The following RGS7 variants were observed in gnomAD, a reference collection of about 807,000 sequenced individuals.
The protein encoded by RGS7 is regulator of G protein signaling 7, also known as regulator of G-protein signaling 7.
RGS7 carries 27 observed loss-of-function variants against 81.1 expected under a neutral mutation model. The ratio of observed to expected loss-of-function variants is 0.33; its 90% confidence interval spans 0.25 to 0.46. The LOEUF (loss-of-function observed/expected upper bound fraction) is 0.46. Ranked by LOEUF, RGS7 falls within the 20% of genes least tolerant of loss-of-function variation. The pLI is 1.00. For synonymous variants in RGS7, 208 were observed against 207.7 expected (o/e 1.00, Z -0.01); for missense variants, 396 against 607.4 (o/e 0.65, Z 3.66).
chr1:240,998,651 T>C (rs986947139), intron 3 of RGS7: 4 of 1,119,828 alleles, frequency 3.6e-6, no homozygotes, highest in Non-Finnish European at 5.4e-6. Flanking sequence ...GCCAGGCCTT[T>C]GCAAACAAGC....
At chr1:241,110,438 A>G (rs1408171055) in intron 2 of RGS7, among the ~76,000 whole-genome samples, 1 of 152,182 alleles carries the variant, frequency 6.6e-6, no homozygotes, top group Non-Finnish European at 1.5e-5. Flanking sequence ...AAATGGACGA[A>G]TCATTCCTCT....
At chr1:240,917,298 TAC>T (rs1163481550) in intron 6 of RGS7, among the ~76,000 whole-genome samples, 2 of 152,172 alleles carry the variant, frequency 1.3e-5, no homozygotes, top group Admixed American at 6.6e-5. Context: ...AGGTTGAAAC[TAC>T]ATAAAGAAAG....
chr1:241,099,747 A>C (rs2064577585), intron 2 of RGS7, among the ~76,000 whole-genome samples: 1 of 152,210 alleles, frequency 6.6e-6, no homozygotes. Context: ...CTCATTCCAC[A>C]ACCACTTATC....
intron 2 of RGS7, among the ~76,000 whole-genome samples, chr1:241,257,199 G>T (rs1035175028): frequency 6.6e-6 from 1 of 152,064 alleles, no homozygotes; most frequent in Non-Finnish European, 1.5e-5. Context: ...CGAGATCAAG[G>T]TGCCAGCAGA....
intron 2 of RGS7, among the ~76,000 whole-genome samples, chr1:241,262,622 T>A (rs1424631982): frequency 2.6e-5 from 4 of 152,210 alleles, no homozygotes; most frequent in African/African-American, 9.6e-5. Flanking sequence ...GTTACTATTG[T>A]TCGTAGCAAC....
At chr1:241,184,677 T>C (rs2071937697) in intron 2 of RGS7, among the ~76,000 whole-genome samples, 1 of 152,144 alleles carries the variant, frequency 6.6e-6, no homozygotes, top group African/African-American at 2.4e-5. Flanking sequence ...GTAAGGTGTA[T>C]ACAAAACATC....
At chr1:241,156,050 ATAT>A (rs1370148487) in intron 2 of RGS7, among the ~76,000 whole-genome samples, 1 of 151,784 alleles carries the variant, frequency 6.6e-6, no homozygotes, top group Non-Finnish European at 1.5e-5. Flanking sequence ...AGGTTCTATA[ATAT>A]TAGAGTTCCT....
In RGS7 at chr1:240,868,446, G is replaced by A; in HGVS notation, c.609+141C>T. 1 of 748,468 alleles carries A rather than the reference G, an allele frequency of 1.3e-6. No homozygotes were observed. Among genetic ancestry groups the A allele is most frequent in the Admixed American group, 1.9e-5 (1 of 51,814 alleles). 46.4% of individuals were successfully genotyped at this position (748,468 alleles called of 1,614,324 possible). A position where few individuals can be genotyped will look rare whatever the true frequency, so the allele number is the denominator to read the frequency against. On this transcript the variant is annotated intron_variant, in intron 9 of 18. Coordinates refer to ENST00000440928, the MANE Select transcript of RGS7 (RefSeq NM_001364886.1). This position sits in a 1 kb window ranked among gnomAD's most constrained non-coding sequence, Gnocchi z 5.1. Reference sequence around the variant, plus strand: ...TCTAGTCATCCTACACAAAAGTGGTGATCTTTTCTTAATGAATTCACCAAG... The same window carrying A: ...TCTAGTCATCCTACACAAAAGTGGTAATCTTTTCTTAATGAATTCACCAAG...
At chr1:240,804,611 T>C (rs968677213) in intron 15 of RGS7, among the ~76,000 whole-genome samples, 3 of 152,106 alleles carry the variant, frequency 2.0e-5, no homozygotes, top group Non-Finnish European at 2.9e-5. Context: ...CTAAAAAAAA[T>C]TCTATTTTAA....
At chr1:240,809,802 TACTTACTAAGG>T (rs1303896945) in intron 14 of RGS7, among the ~76,000 whole-genome samples, 1 of 152,202 alleles carries the variant, frequency 6.6e-6, no homozygotes, top group East Asian at 1.9e-4. Flanking sequence ...TACTGATCTA[TACTTACTAAGG>T]AAACATATGA....
chr1:240,970,376 A>C (rs898790050), intron 4 of RGS7, among the ~76,000 whole-genome samples: 1 of 152,248 alleles, frequency 6.6e-6, no homozygotes, highest in African/African-American at 2.4e-5. Context: ...TTTGTTGTGC[A>C]GAGCAATTGG....
In RGS7 at chr1:240,775,879, GAA is replaced by G; in HGVS notation, c.*339_*340del. The stretch of plus-strand genomic sequence containing the variant: ...TGAAGCTTTGAGAGAGAGAGAGAGA[GAA>G]AGAAGGAAAAAAAGAAAAGGTTTTA... On this transcript the variant is annotated 3_prime_UTR_variant, in exon 19 of 19. Transcript: ENST00000440928. 1 of 374,672 alleles carries G rather than the reference GAA, an allele frequency of 2.7e-6. No individual in the cohort carries two copies. Among genetic ancestry groups the G allele is most frequent in the South Asian group, 3.1e-5 (1 of 32,008 alleles). The allele number at this position is 374,672 out of a possible 1,614,324, so 23.2% of individuals were successfully genotyped here.
At chr1:240,960,232 T>TTTTTTTGTTG (rs71172665) in intron 4 of RGS7, among the ~76,000 whole-genome samples, 2 of 70,182 alleles carry the variant, frequency 2.8e-5, no homozygotes, top group African/African-American at 9.0e-5. Flanking sequence ...TTTTTTTTTT[T>TTTTTTTGTTG]TTGTTGTTGT....
chr1:241,105,180 T>C (rs1247287041), intron 2 of RGS7, among the ~76,000 whole-genome samples: 2 of 152,210 alleles, frequency 1.3e-5, no homozygotes, highest in Non-Finnish European at 2.9e-5. Flanking sequence ...CTTTATGCTC[T>C]ATCTAATGCA....
chr1:240,909,950 T>C lies in RGS7; in HGVS notation c.385+20767A>G, dbSNP rs369171341. On this transcript the variant is annotated intron_variant, in intron 6 of 18. Transcript: ENST00000440928. Reference sequence around the variant, plus strand: ...CCTGGGTTTAGTTCGGTCACTTCCATAAGTGTATTTAGCATTGGTAGCCCT... The same window carrying C: ...CCTGGGTTTAGTTCGGTCACTTCCACAAGTGTATTTAGCATTGGTAGCCCT... 6.6e-5 allele frequency among the ~76,000 whole-genome samples: 10 copies of C among 152,286 alleles called. No individual in the cohort carries two copies. In the East Asian group the frequency reaches 1.5e-3, roughly 24 times the overall value.
At chr1:240,998,173 T>C (rs552612636) in intron 3 of RGS7, among the ~76,000 whole-genome samples, 4 of 152,308 alleles carry the variant, frequency 2.6e-5, no homozygotes, top group African/African-American at 7.2e-5. Flanking sequence ...AACGCTGCTG[T>C]GGTTTGAATC....
chr1:241,046,149 A>G (rs1046772637), intron 3 of RGS7, among the ~76,000 whole-genome samples: 2 of 151,842 alleles, frequency 1.3e-5, no homozygotes, highest in African/African-American at 2.4e-5. Flanking sequence ...GGGTAGATCC[A>G]TTTTTCAAAA....
intron 3 of RGS7, among the ~76,000 whole-genome samples, chr1:241,037,499 T>G (rs2060390501): frequency 1.3e-5 from 2 of 152,064 alleles, no homozygotes; most frequent in African/African-American, 4.8e-5. Context: ...GGCGGGCAGA[T>G]CACAAGGTCA....
At chr1:240,788,523 T>C (rs1685440928) in intron 18 of RGS7, among the ~76,000 whole-genome samples, 1 of 152,196 alleles carries the variant, frequency 6.6e-6, no homozygotes, top group Non-Finnish European at 1.5e-5. Flanking sequence ...ATGAAAACAC[T>C]TGAATTGGAT....
Sources: gnomAD v4.1 joint callset for allele counts (sites outside exome capture counted in the v4.1 genomes callset) on GRCh38, gnomAD v4.1.1 for gene constraint, Gnocchi (gnomAD v3.1) non-coding constraint, MANE v1.5 for transcripts, NCBI Gene and HGNC (gene_info 2026-07-23, HGNC 2026-07-21) for gene names.